PCK1: variants seen among roughly 807,000 people sequenced by gnomAD.
PCK1 encodes phosphoenolpyruvate carboxykinase, cytosolic [GTP].
A neutral mutation model predicts 50.3 loss-of-function variants in PCK1; 44 were observed. That is an observed-to-expected ratio of 0.87 (90% confidence interval 0.69 to 1.12). The LOEUF (loss-of-function observed/expected upper bound fraction) is 1.12, where lower values mean the gene tolerates loss of function less well. PCK1 is among the 50% of genes most tolerant of loss of function. The pLI, the probability that PCK1 is intolerant of heterozygous loss-of-function variation, is 0.00. For missense variants in PCK1, 790 were observed against 815.0 expected, an observed-to-expected ratio of 0.97 and a Z score of 0.37; for synonymous variants, 332 against 314.3, an observed-to-expected ratio of 1.06 and a Z score of -0.59.
intron 8 of PCK1, 87 bp downstream of exon 8, chr20:57,564,700 G>A: frequency 8.1e-7 from 1 of 1,227,870 alleles, no homozygotes; most frequent in South Asian, 1.5e-5. Context: ...CCATGACCTT[G>A]TCAGAGGGTG....
chr20:57,566,019 A>G lies in PCK1; in HGVS notation c.*215A>G. On this transcript the variant is annotated 3_prime_UTR_variant, in exon 10 of 10. Coordinates refer to ENST00000319441, the MANE Select transcript of PCK1 (RefSeq NM_002591.4). ...TGAAATTGAGAAGGGAAATCTTAGC[A>G]TGCCTCCAAAAATTCACATCCAATG... 2.0e-6 allele frequency: 1 copy of G among 497,360 alleles called. No homozygotes were observed. The highest frequency in any genetic ancestry group is 3.2e-5 in the East Asian group (1 of 31,650). 30.8% of individuals were successfully genotyped at this position (497,360 alleles called of 1,614,324 possible).
chr20:57,561,778 A>G (rs1417489031), intron 2 of PCK1, 143 bp downstream of exon 2: 1 of 638,664 alleles, frequency 1.6e-6, no homozygotes, highest in African/African-American at 1.8e-5. Context: ...TCAGAACCAT[A>G]CAGACTTGAA....
In PCK1 at chr20:57,564,263, G is replaced by A. The variant is rs2146529428; in HGVS notation, c.1056G>A (p.Gln352=). Residue 352 remains glutamine (Q), a synonymous_variant, in exon 7 of 10, where the codon CAG becomes CAA. Coordinates refer to ENST00000319441, the MANE Select transcript of PCK1 (RefSeq NM_002591.4). ...KTNPNAIKTI[Q]KNTIFTNVAE... ...ACCCCAATGCCATCAAGACCATCCA[G>A]AAGAACACAATCTTTACCAATGTGG... is the stretch of plus-strand genomic sequence containing the variant. 6.2e-7 allele frequency: 1 copy of A among 1,614,120 alleles called. No homozygotes were observed. The highest frequency in any genetic ancestry group is 8.5e-7 in the Non-Finnish European group (1 of 1,180,010).
chr20:57,563,294 C>A (rs776679763), intron 5 of PCK1, 79 bp downstream of exon 5: 186 of 1,296,648 alleles, frequency 1.4e-4, no homozygotes, highest in Non-Finnish European at 2.0e-4. Flanking sequence ...AGTTCCCACC[C>A]GTCAGCACAC....
intron 3 of PCK1, 129 bp from the exon 4 acceptor site, chr20:57,562,567 C>G: frequency 1.3e-6 from 1 of 746,736 alleles, no homozygotes. Context: ...ACCCAGGGGG[C>G]TGGTGACCAG....
At position 57,563,613 on chromosome 20, in the gene PCK1, G is replaced by A. The variant is rs574265290; in HGVS notation, c.847G>A (p.Ala283Thr). ...GGGTGAGAAGAAGTACCTGGCGGCC[G>A]CATTTCCCAGCGCCTGCGGGAAGAC... ...PEGEKKYLAA[A>T]FPSACGKTNL... Residue 283 changes from alanine to threonine, a missense_variant, in exon 6 of 10, where the codon GCA (alanine) becomes ACA (threonine). Physicochemically the swap from Ala to Thr is moderately conservative, Grantham distance 58. Coordinates refer to ENST00000319441, the MANE Select transcript of PCK1 (RefSeq NM_002591.4). 18 of 1,611,822 alleles carry A rather than the reference G, an allele frequency of 1.1e-5. No individual in the cohort carries two copies. Among genetic ancestry groups the A allele is most frequent in the East Asian group, 2.2e-5 (1 of 44,818 alleles).
chr20:57,562,115 G>A lies in PCK1; in HGVS notation c.269G>A (p.Ser90Asn), dbSNP rs2070150357. Residue 90 changes from serine (S) to asparagine (N), a missense_variant, in exon 3 of 10, where the codon AGC (serine) becomes AAC (asparagine). Coordinates refer to ENST00000319441, the MANE Select transcript of PCK1 (RefSeq NM_002591.4). ...CCCAGGGATGTGGCCAGGATCGAAA[G>A]CAAGACGGTTATCGTCACCCAAGAG... Reference protein sequence around the residue: ...TDPRDVARIESKTVIVTQEQR... With the variant: ...TDPRDVARIENKTVIVTQEQR... 6.2e-7 allele frequency: 1 copy of A among 1,614,218 alleles called. No individual in the cohort carries two copies. The highest frequency in any genetic ancestry group is 1.3e-5 in the African/African-American group (1 of 75,062).
Position 57,567,769 on chromosome 20 carries a change from G to A in PCK1, c.*1965G>A, listed in dbSNP as rs960918690. The stretch of plus-strand genomic sequence containing the variant: ...AACTTTGTTAAAATGCATGCCTTGT[G>A]CCCCACTGTCCTATTACGGGCTTTC... On this transcript the variant is annotated 3_prime_UTR_variant, in exon 10 of 10. Transcript: ENST00000319441. 2.0e-5 allele frequency: 3 copies of A among 152,238 alleles called. No homozygotes were observed. Among genetic ancestry groups the A allele is most frequent in the African/African-American group, 7.2e-5 (3 of 41,432 alleles). 9.4% of individuals were successfully genotyped at this position (152,238 alleles called of 1,614,324 possible).
In PCK1 at chr20:57,566,479, T is replaced by C. The variant is rs549229921; in HGVS notation, c.*675T>C. ...AAGATGGATTTGCTTTGCTTGGTTTTTCTTATTTGAGCTACCAAGAGGAGA... is the reference window on the plus strand; with the variant it reads ...AAGATGGATTTGCTTTGCTTGGTTTCTCTTATTTGAGCTACCAAGAGGAGA... On this transcript the variant is annotated 3_prime_UTR_variant, in exon 10 of 10. Coordinates refer to ENST00000319441, the MANE Select transcript of PCK1 (RefSeq NM_002591.4). The C allele has an allele frequency of 6.6e-6, 1 of 152,328 alleles. No homozygotes were observed. The highest frequency in any genetic ancestry group is 2.4e-5 in the African/African-American group (1 of 41,566). 9.4% of individuals were successfully genotyped at this position (152,328 alleles called of 1,614,324 possible).
At chr20:57,562,922 A>G (rs757690959) in intron 4 of PCK1, 23 bp downstream of exon 4, 1 of 1,593,234 alleles carries the variant, frequency 6.3e-7, no homozygotes, top group Non-Finnish European at 8.6e-7. Context: ...TTTCAGAATC[A>G]AAAGTCAAAA....
chr20:57,561,388 GC>G lies in PCK1; in HGVS notation c.-20del. The G allele has an allele frequency of 6.6e-7, 1 of 1,517,978 alleles. No homozygotes were observed. Among genetic ancestry groups the G allele is most frequent in the Non-Finnish European group, 9.1e-7 (1 of 1,098,826 alleles). The allele number at this position is 1,517,978 out of a possible 1,614,324, so 94.0% of individuals were successfully genotyped here. ...CTATTTCAGGTGACCTCACATTCGT[GC>G]CCCTTAGCAGCACTCTGCAGAAATG... On this transcript the variant is annotated 5_prime_UTR_variant, in exon 2 of 10. Coordinates refer to ENST00000319441, the MANE Select transcript of PCK1 (RefSeq NM_002591.4).
rs1246340369 is a variant in PCK1, at chr20:57,567,698, G to A, written c.*1894G>A. ...GGTCTCCATTTCCCCGCCCCTTGGG[G>A]GCCTTTGGGCAGCTCCTTGGACCCC... On this transcript the variant is annotated 3_prime_UTR_variant, in exon 10 of 10. Coordinates refer to ENST00000319441, the MANE Select transcript of PCK1 (RefSeq NM_002591.4). The A allele has an allele frequency of 1.3e-5, 2 of 152,226 alleles. No homozygotes were observed. Among genetic ancestry groups the A allele is most frequent in the African/African-American group, 4.8e-5 (2 of 41,450 alleles). 9.4% of individuals were successfully genotyped at this position (152,226 alleles called of 1,614,324 possible).
chr20:57,561,843 C>T (rs937952020), intron 2 of PCK1: 1 of 515,324 alleles, frequency 1.9e-6, no homozygotes, highest in African/African-American at 1.9e-5. Context: ...TGCACAAAAG[C>T]TCTGCCAACT....
In PCK1 at chr20:57,562,751, A is replaced by G. The variant is rs1042523; in HGVS notation, c.462A>G (p.Ser154=). Residue 154 remains serine (S), a synonymous_variant, in exon 4 of 10, where the codon TCA becomes TCG. Transcript: ENST00000319441. Reference sequence around the variant, plus strand: ...TGGGGCCGCTGGGCTCGCCTCTGTCAAAGATCGGCATCGAGCTGACGGATT... The same window carrying G: ...TGGGGCCGCTGGGCTCGCCTCTGTCGAAGATCGGCATCGAGCTGACGGATT... ...FSMGPLGSPL[S]KIGIELTDSP... is the part of the protein sequence containing the mutation. 0.47 allele frequency: 752,639 copies of G among 1,610,066 alleles called. 184,369 individuals are homozygous for G. The highest frequency in any genetic ancestry group is 0.59 in the Middle Eastern group (3,544 of 6,014).
At chr20:57,562,637 TG>T in intron 3 of PCK1, 58 bp from the exon 4 acceptor site, 1 of 1,434,050 alleles carries the variant, frequency 7.0e-7, no homozygotes. Context: ...AAAAAAATGC[TG>T]GTCGTGTTCG....
In PCK1 at chr20:57,565,106, C is replaced by A. The variant is rs754818871; in HGVS notation, c.1385C>A (p.Ser462Ter). ...HGVFVGAAMR[S>*]EATAAAEHKG... ...GTCTTTGTGGGGGCGGCCATGAGAT[C>A]AGAGGCCACAGCGGCTGCAGAACAT... Residue 462 changes from serine (S) to a stop codon, truncating the protein, a stop_gained, in exon 9 of 10, where the codon TCA (serine) becomes TAA (stop). Transcript: ENST00000319441. LOFTEE classifies it high-confidence loss of function. 6.2e-7 allele frequency: 1 copy of A among 1,613,930 alleles called. No individual in the cohort carries two copies. Among genetic ancestry groups the A allele is most frequent in the South Asian group, 1.1e-5 (1 of 91,074 alleles).
In PCK1 at chr20:57,562,984, G is replaced by C. The variant is rs2070755; in HGVS notation, c.611-44G>C. ...CAGTGAGTGCCTCGGGGACCCCCAA[G>C]CAGGGCCCTGGCGCACTGACTTGGG... On this transcript the variant is annotated intron_variant, in intron 4 of 9. Coordinates refer to ENST00000319441, the MANE Select transcript of PCK1 (RefSeq NM_002591.4). 0.49 allele frequency: 776,285 copies of C among 1,587,932 alleles called. 192,052 individuals carry two copies. Among genetic ancestry groups the C allele is most frequent in the Middle Eastern group, 0.6 (3,580 of 5,968 alleles).
At chr20:57,565,287 C>A in intron 9 of PCK1, 63 bp from the exon 10 acceptor site, 3 of 1,399,140 alleles carry the variant, frequency 2.1e-6, no homozygotes, top group Non-Finnish European at 3.0e-6. Context: ...TGTCAACAAT[C>A]AATGGCGTCA....
At chr20:57,564,948 G>C in intron 8 of PCK1, 92 bp from the exon 9 acceptor site, 1 of 915,434 alleles carries the variant, frequency 1.1e-6, no homozygotes, top group South Asian at 1.5e-5. Flanking sequence ...TTGTCTTGCC[G>C]TGTCTTTCCG....
Sources: gnomAD v4.1 joint callset for allele counts on GRCh38, gnomAD v4.1.1 for gene constraint, MANE v1.5 for transcripts, NCBI Gene and HGNC (gene_info 2026-07-23, HGNC 2026-07-21) for gene names.